The following EXOC4 variants were observed in gnomAD, a reference collection of about 807,000 sequenced individuals.
EXOC4 encodes the protein exocyst complex component 4, also known as SEC8-like 1.
A neutral mutation model predicts 107.2 loss-of-function variants in EXOC4; 71 were observed. That is an observed-to-expected ratio of 0.66 (90% CI 0.55 to 0.81). The LOEUF (loss-of-function observed/expected upper bound fraction) is 0.81, where lower values mean the gene tolerates loss of function less well. Ranked by LOEUF, EXOC4 falls within the 30% of genes least tolerant of loss-of-function variation. The pLI is 0.00. For missense variants in EXOC4, 1,108 were observed against 1,189.6 expected (o/e 0.93, Z 1.01); for synonymous variants, 456 against 441.2 (o/e 1.03, Z -0.42).
At chr7:134,047,007 A>G (rs773405283) in intron 17 of EXOC4, among the ~76,000 whole-genome samples, 3 of 152,084 alleles carry the variant, frequency 2.0e-5, no homozygotes, top group African/African-American at 4.8e-5. Context: ...TAACACGCCT[A>G]CCTCCTCACT....
chr7:133,587,916 T>G (rs983574646), intron 9 of EXOC4, among the ~76,000 whole-genome samples: 19 of 151,764 alleles, frequency 1.3e-4, no homozygotes, highest in Non-Finnish European at 2.1e-4. Flanking sequence ...TTCTAGCAGG[T>G]TTTTTTTTCC....
intron 17 of EXOC4, among the ~76,000 whole-genome samples, chr7:134,033,120 A>T (rs558302118): frequency 6.6e-6 from 1 of 152,112 alleles, no homozygotes; most frequent in Non-Finnish European, 1.5e-5. Flanking sequence ...GGAAAAGGAA[A>T]CCCTCAGTCT....
chr7:133,902,164 T>C (rs1364739584), intron 12 of EXOC4, among the ~76,000 whole-genome samples: 1 of 152,244 alleles, frequency 6.6e-6, no homozygotes, highest in Non-Finnish European at 1.5e-5. Context: ...GTAATTTACG[T>C]TGCTTTTCTT....
chr7:134,005,542 A>G (rs1249726000), intron 16 of EXOC4, among the ~76,000 whole-genome samples: 1 of 152,214 alleles, frequency 6.6e-6, no homozygotes, highest in Non-Finnish European at 1.5e-5. Context: ...ATTAGAGGCA[A>G]TTTTTAGGAA....
At chr7:133,255,151 T>C (rs1174160507) in intron 1 of EXOC4, among the ~76,000 whole-genome samples, 3 of 151,028 alleles carry the variant, frequency 2.0e-5, no homozygotes, top group Non-Finnish European at 2.9e-5. Flanking sequence ...TTGATCTCTG[T>C]TGTGCATTAT....
intron 14 of EXOC4, among the ~76,000 whole-genome samples, chr7:133,943,617 A>G (rs1343195995): frequency 6.6e-5 from 10 of 152,084 alleles, no homozygotes; most frequent in Non-Finnish European, 8.8e-5. Context: ...TATTTATGTA[A>G]TTTGTTTAGA....
chr7:133,617,329 T>G (rs1398234588), intron 9 of EXOC4, among the ~76,000 whole-genome samples: 2 of 152,152 alleles, frequency 1.3e-5, no homozygotes, highest in African/African-American at 4.8e-5. Flanking sequence ...TTGTAGACTG[T>G]TCCATAAAGA....
At chr7:133,469,176 G>C (rs949198628) in intron 7 of EXOC4, among the ~76,000 whole-genome samples, 3 of 152,172 alleles carry the variant, frequency 2.0e-5, no homozygotes, top group African/African-American at 7.2e-5. Flanking sequence ...CCAGCACTTT[G>C]GGAGGCTGAG....
intron 1 of EXOC4, among the ~76,000 whole-genome samples, chr7:133,261,530 A>T (rs769918832): frequency 6.6e-6 from 1 of 151,962 alleles, no homozygotes; most frequent in Middle Eastern, 3.2e-3. Flanking sequence ...GAGCCACCAC[A>T]CCCGGGCACC....
At chr7:133,705,173 C>G (rs939238825) in intron 10 of EXOC4, among the ~76,000 whole-genome samples, 1 of 152,094 alleles carries the variant, frequency 6.6e-6, no homozygotes, top group Non-Finnish European at 1.5e-5. Flanking sequence ...CAAGACCAGC[C>G]TGGCCAACAT....
chr7:133,363,509 CTT>C (rs754684755), intron 6 of EXOC4, among the ~76,000 whole-genome samples: 308 of 151,206 alleles, frequency 2.0e-3, no homozygotes, highest in South Asian at 7.1e-3. Context: ...GTGTATTGTC[CTT>C]TGGTTATAGT....
intron 7 of EXOC4, among the ~76,000 whole-genome samples, chr7:133,458,516 A>T (rs1231425744): frequency 1.3e-5 from 2 of 152,220 alleles, no homozygotes; most frequent in African/African-American, 2.4e-5. Context: ...TCACATAAAT[A>T]TGAAGCAGAA....
chr7:134,009,495 G>A (rs1794719546), intron 17 of EXOC4, among the ~76,000 whole-genome samples: 1 of 152,112 alleles, frequency 6.6e-6, no homozygotes, highest in African/African-American at 2.4e-5. Flanking sequence ...TTGTGGGAAA[G>A]TGAGAGAGAG....
intron 5 of EXOC4, among the ~76,000 whole-genome samples, chr7:133,324,543 G>A (rs1314387405): frequency 6.6e-6 from 1 of 152,170 alleles, no homozygotes; most frequent in African/African-American, 2.4e-5. Flanking sequence ...TTAATCCTGA[G>A]TTCTAATTCG....
intron 10 of EXOC4, among the ~76,000 whole-genome samples, chr7:133,669,393 C>A (rs1407263990): frequency 2.0e-5 from 3 of 152,148 alleles, no homozygotes; most frequent in Non-Finnish European, 2.9e-5. Context: ...GTAAACAATG[C>A]TAGCTTTTTG....
At chr7:133,877,072 C>G (rs552224946) in intron 11 of EXOC4, among the ~76,000 whole-genome samples, 2 of 151,710 alleles carry the variant, frequency 1.3e-5, no homozygotes, top group African/African-American at 2.4e-5. Context: ...TTTCGCAGTT[C>G]GCTGACTCTC....
chr7:133,253,239 C>G, intron 1 of EXOC4, 52 bp downstream of exon 1: 1 of 1,592,956 alleles, frequency 6.3e-7, no homozygotes, highest in Non-Finnish European at 8.6e-7. Context: ...GGCTCGACCT[C>G]CGCTTTGGAA....
In EXOC4 at chr7:134,004,929, A is replaced by G. The variant is rs750938818; in HGVS notation, c.2366A>G (p.Tyr789Cys). 1.8e-5 allele frequency: 29 copies of G among 1,612,922 alleles called. No individual in the cohort carries two copies. Among genetic ancestry groups the G allele is most frequent in the African/African-American group, 9.4e-5 (7 of 74,822 alleles). Residue 789 changes from tyrosine to cysteine, a missense_variant, in exon 16 of 18, where the codon TAT becomes TGT. Physicochemically the swap from Tyr to Cys is radical, Grantham distance 194. Transcript: ENST00000253861. ...HLEVRVHCFH[Y>C]LIPLAKEGNY... ...TTTTTCAGGGTTCACTGTTTCCACTATCTTATCCCTCTTGCAAAGGAGGGG... is the reference window on the plus strand; with the variant it reads ...TTTTTCAGGGTTCACTGTTTCCACTGTCTTATCCCTCTTGCAAAGGAGGGG...
chr7:133,475,426 C>G lies in EXOC4; in HGVS notation c.1281C>G (p.Ala427=). 6.2e-7 allele frequency: 1 copy of G among 1,613,936 alleles called. No homozygotes were observed. The highest frequency in any genetic ancestry group is 8.5e-7 in the Non-Finnish European group (1 of 1,179,928). The change falls in exon 8 of 18, where the codon GCC becomes GCG. Residue 427 remains alanine, a synonymous_variant. Transcript: ENST00000253861. ...SYASTGREFA[A]FFAKKKPQRP... is the part of the protein sequence containing the mutation. The stretch of plus-strand genomic sequence containing the variant: ...CCAGCACTGGACGAGAGTTTGCAGC[C>G]TTTTTTGCCAAGAAGAAACCTCAAA...
Sources: allele counts gnomAD v4.1 joint callset (sites outside exome capture counted in the v4.1 genomes callset), GRCh38; gene constraint gnomAD v4.1.1; transcripts MANE v1.5; gene names NCBI Gene and HGNC (gene_info 2026-07-23, HGNC 2026-07-21).